Variants in S100G observed in about 807,000 individuals in gnomAD.
The protein encoded by S100G is protein S100-G.
Under a neutral mutation model 4.4 loss-of-function variants are expected in S100G, and 4 were observed. The observed-to-expected ratio is 0.91, with a 90% CI of 0.45 to 2.09. S100G has a LOEUF of 2.09. S100G is among the 30% of genes most tolerant of loss of function. S100G has a pLI of 0.03. For synonymous variants in S100G, 24 were observed against 20.1 expected (o/e 1.20, Z -0.53); for missense variants, 48 against 49.8 (o/e 0.96, Z 0.11).
chrX:16,653,325 G>A (rs1932739538), intron 2 of S100G, among the ~76,000 whole-genome samples: 1 of 111,701 alleles, frequency 9.0e-6, no homozygotes, highest in African/African-American at 3.3e-5. Context: ...GATCTCACAC[G>A]ACATCTCAAG....
At chrX:16,650,918 C>A in intron 1 of S100G, 81 bp from the exon 2 acceptor site, 2 of 834,545 alleles carry the variant, frequency 2.4e-6, no homozygotes, top group Non-Finnish European at 3.5e-6. Context: ...GGCCCAATGG[C>A]ACTAAAATCC....
chrX:16,651,197 G>C (rs774114326), intron 2 of S100G, 56 bp downstream of exon 2: 4 of 991,699 alleles, frequency 4.0e-6, no homozygotes, highest in Non-Finnish European at 4.3e-6. Flanking sequence ...AGGGGAGGGA[G>C]GGAGGGGAGA....
chrX:16,653,179 T>C (rs1401786190), intron 2 of S100G, among the ~76,000 whole-genome samples: 1 of 111,053 alleles, frequency 9.0e-6, no homozygotes, highest in African/African-American at 3.3e-5. Context: ...GTTTTCTAAG[T>C]AGTATTTTGC....
intron 2 of S100G, among the ~76,000 whole-genome samples, chrX:16,651,463 C>G (rs966719035): frequency 8.9e-6 from 1 of 111,977 alleles, no homozygotes. Flanking sequence ...GGATTCAGTA[C>G]TTCTGTGCCA....
At chrX:16,650,511 CTTTTTTTTTTTTT>C (rs1167079038) in intron 1 of S100G, among the ~76,000 whole-genome samples, 1 of 77,209 alleles carries the variant, frequency 1.3e-5, no homozygotes, top group Non-Finnish European at 2.4e-5. Context: ...TCTAAGATGT[CTTTTTTTTTTTTT>C]TTTTTTTTTT....
In S100G at chrX:16,651,933, C is replaced by CA. The variant is rs997710092; in HGVS notation, c.135+793dup. On this transcript the variant is annotated intron_variant, in intron 2 of 2. Coordinates refer to ENST00000380200, the MANE Select transcript of S100G (RefSeq NM_004057.3). ...GGGCCATGGCGACCCATACAGGGAC[C>CA]ACTGAAACGTGTTCTTGCCATGGGG... Among the ~76,000 whole-genome samples the CA allele has an allele frequency of 8.2e-5, 9 of 109,580 alleles. No individual in the cohort carries two copies. The South Asian group carries it at 2.0e-3, about 24-fold the overall frequency.
intron 1 of S100G, 76 bp downstream of exon 1, chrX:16,650,279 A>C (rs1932540844): frequency 1.8e-5 from 2 of 111,142 alleles, no homozygotes; most frequent in African/African-American, 6.5e-5. Context: ...AATGGTGTGA[A>C]AGATAATGGT....
intron 2 of S100G, 114 bp downstream of exon 2, chrX:16,651,255 T>G (rs1198589195): frequency 1.4e-6 from 1 of 704,111 alleles, no homozygotes; most frequent in East Asian, 3.3e-5. Context: ...GGAGGACACA[T>G]GCAGGTGGGG....
chrX:16,650,822 T>A (rs1470892225), intron 1 of S100G, among the ~76,000 whole-genome samples, 177 bp from the exon 2 acceptor site: 1 of 110,730 alleles, frequency 9.0e-6, no homozygotes, highest in Non-Finnish European at 1.9e-5. Context: ...AAGATGCTTA[T>A]TTTTTAAACA....
chrX:16,653,619 G>A (rs191693358), intron 2 of S100G, among the ~76,000 whole-genome samples: 2 of 111,138 alleles, frequency 1.8e-5, no homozygotes, highest in African/African-American at 3.3e-5. Flanking sequence ...ACAGATTCTC[G>A]GGCCCCACCC....
At chrX:16,653,060 T>C (rs1932720966) in intron 2 of S100G, among the ~76,000 whole-genome samples, 2 of 111,009 alleles carry the variant, frequency 1.8e-5, no homozygotes, top group African/African-American at 6.5e-5. Context: ...TAAAAATGAT[T>C]AAGAGCGTAA....
At chrX:16,650,911 C>T (rs904415632) in intron 1 of S100G, 88 bp from the exon 2 acceptor site, 70 of 779,379 alleles carry the variant, frequency 9.0e-5, no homozygotes, top group Non-Finnish European at 1.2e-4. Flanking sequence ...AGGAAATGGC[C>T]CAATGGCACT....
intron 1 of S100G, among the ~76,000 whole-genome samples, 165 bp from the exon 2 acceptor site, chrX:16,650,834 G>A (rs1932584304): frequency 9.0e-6 from 1 of 110,519 alleles, no homozygotes; most frequent in South Asian, 3.9e-4. Flanking sequence ...TTTTAAACAT[G>A]TTAGTAGTTA....
intron 2 of S100G, among the ~76,000 whole-genome samples, chrX:16,652,020 G>C (rs902610752): frequency 2.8e-5 from 3 of 108,155 alleles, no homozygotes; most frequent in Admixed American, 9.9e-5. Context: ...GAGCAGGATG[G>C]GGGGGGCCAG....
chrX:16,651,913 A>G (rs113593054), intron 2 of S100G, among the ~76,000 whole-genome samples: 2,499 of 110,742 alleles, frequency 0.023, 69 homozygotes, highest in African/African-American at 0.078. Flanking sequence ...CAGGAGGGCC[A>G]TGGCGACCCA....
intron 2 of S100G, 147 bp downstream of exon 2, chrX:16,651,288 A>G (rs1932617488): frequency 3.9e-6 from 2 of 515,153 alleles, no homozygotes; most frequent in African/African-American, 2.4e-5. Flanking sequence ...AAGTCAGGCC[A>G]CATTTCAGAA....
At chrX:16,654,345 A>T in intron 2 of S100G, 60 bp from the exon 3 acceptor site, 1 of 774,589 alleles carries the variant, frequency 1.3e-6, no homozygotes, top group Non-Finnish European at 1.9e-6. Flanking sequence ...GAGAATGTGT[A>T]GCAGTAACTG....
chrX:16,653,805 G>A (rs73450306), intron 2 of S100G, among the ~76,000 whole-genome samples: 2,877 of 112,161 alleles, frequency 0.026, 93 homozygotes, highest in African/African-American at 0.088. Flanking sequence ...AAGGGGTTGA[G>A]CTCTGGAGTC....
At chrX:16,654,279 T>C in intron 2 of S100G, 126 bp from the exon 3 acceptor site, 1 of 431,934 alleles carries the variant, frequency 2.3e-6, no homozygotes, top group Non-Finnish European at 4.1e-6. Flanking sequence ...TAGATGCATG[T>C]CACTGGAAAC....
Sources: allele counts gnomAD v4.1 joint callset (sites outside exome capture counted in the v4.1 genomes callset), GRCh38; gene constraint gnomAD v4.1.1; transcripts MANE v1.5; gene names NCBI Gene and HGNC (gene_info 2026-07-23, HGNC 2026-07-21).